TMEM108: variants seen among roughly 807,000 people sequenced by gnomAD.
TMEM108 encodes cancer/testis antigen 124.
Under a neutral mutation model 35.1 loss-of-function variants are expected in TMEM108, and 12 were observed. That is an observed-to-expected ratio of 0.34 (90% CI 0.22 to 0.55). The LOEUF is 0.55. Ranked by LOEUF, TMEM108 falls within the 20% of genes least tolerant of loss-of-function variation. TMEM108 has a pLI of 0.89. For synonymous variants in TMEM108, 287 were observed against 308.6 expected, an observed-to-expected ratio of 0.93 and a Z score of 0.73; for missense variants, 680 against 753.3, an observed-to-expected ratio of 0.90 and a Z score of 1.14.
chr3:133,043,636 G>A (rs1377155754), intron 1 of TMEM108, among the ~76,000 whole-genome samples: 2 of 152,030 alleles, frequency 1.3e-5, no homozygotes, highest in Non-Finnish European at 2.9e-5. Context: ...AATCTGACTT[G>A]ATTTCCAGAT....
At chr3:133,108,557 C>T (rs1373812969) in intron 2 of TMEM108, among the ~76,000 whole-genome samples, 1 of 151,766 alleles carries the variant, frequency 6.6e-6, no homozygotes, top group African/African-American at 2.4e-5. Flanking sequence ...AATTTTCTCC[C>T]ATTTTGTAGG....
At chr3:133,127,749 T>G (rs2107740475) in intron 2 of TMEM108, among the ~76,000 whole-genome samples, 1 of 152,370 alleles carries the variant, frequency 6.6e-6, no homozygotes, top group South Asian at 2.1e-4. Context: ...TTTCCACATT[T>G]GGCCTTAATT....
chr3:133,353,000 C>T (rs2072052202), intron 3 of TMEM108, among the ~76,000 whole-genome samples: 1 of 152,132 alleles, frequency 6.6e-6, no homozygotes, highest in Non-Finnish European at 1.5e-5. Context: ...TCCAGGAGCC[C>T]CCAGCCACCA....
chr3:133,040,190 T>G (rs199536664), intron 1 of TMEM108, among the ~76,000 whole-genome samples: 12 of 144,718 alleles, frequency 8.3e-5, no homozygotes, highest in African/African-American at 2.9e-4. Context: ...TCACAGTTTT[T>G]TTTGTTTGTT....
At chr3:133,071,283 G>T (rs1943672663) in intron 2 of TMEM108, among the ~76,000 whole-genome samples, 1 of 152,088 alleles carries the variant, frequency 6.6e-6, no homozygotes, top group South Asian at 2.1e-4. Flanking sequence ...TGTCAGCAGG[G>T]TTGGTTTCTT....
chr3:133,226,336 C>A (rs140293646), intron 2 of TMEM108, among the ~76,000 whole-genome samples: 1 of 152,300 alleles, frequency 6.6e-6, no homozygotes, highest in African/African-American at 2.4e-5. Context: ...CAAGGGAATT[C>A]TCTGCAGTAT....
chr3:133,061,271 G>A (rs1166543505), intron 2 of TMEM108, among the ~76,000 whole-genome samples: 1 of 148,992 alleles, frequency 6.7e-6, no homozygotes, highest in Non-Finnish European at 1.5e-5. Flanking sequence ...GAGTGCAGTG[G>A]CACGATCTCT....
chr3:133,100,608 A>G (rs1227462361), intron 2 of TMEM108, among the ~76,000 whole-genome samples: 5 of 152,144 alleles, frequency 3.3e-5, no homozygotes, highest in Admixed American at 3.3e-4. Context: ...CTGTCTCATA[A>G]ATAAAATAAA....
chr3:133,395,208 C>T (rs570163169), intron 5 of TMEM108, among the ~76,000 whole-genome samples: 10 of 152,350 alleles, frequency 6.6e-5, no homozygotes, highest in Admixed American at 6.5e-4. Context: ...TCATCTGTCA[C>T]TTATTATGCA....
intron 2 of TMEM108, among the ~76,000 whole-genome samples, chr3:133,116,656 A>C (rs1944291232): frequency 1.3e-5 from 2 of 152,188 alleles, no homozygotes; most frequent in Non-Finnish European, 2.9e-5. Flanking sequence ...TTATAAATTG[A>C]CTTGGGTTCA....
At chr3:133,122,451 AC>A (rs1436659042) in intron 2 of TMEM108, among the ~76,000 whole-genome samples, 1 of 152,230 alleles carries the variant, frequency 6.6e-6, no homozygotes, top group African/African-American at 2.4e-5. Flanking sequence ...ACGCAGGGAT[AC>A]CTGAATGGTA....
rs77666224 is a variant in TMEM108, at chr3:133,258,485, G to A, written c.40+29134G>A. Among the ~76,000 whole-genome samples the A allele has an allele frequency of 2.2e-3, 342 of 152,278 alleles. 2 individuals are homozygous for A. Among genetic ancestry groups the A allele is most frequent in the African/African-American group, 7.7e-3 (321 of 41,560 alleles). On this transcript the variant is annotated intron_variant, in intron 3 of 5. Coordinates refer to ENST00000321871, the MANE Select transcript of TMEM108 (RefSeq NM_023943.4). ...CGCTTTTGATAAAGTTGGATGGAGG[G>A]GGGTGATGGAAGTCCAAAGGAATTC...
intron 3 of TMEM108, among the ~76,000 whole-genome samples, chr3:133,357,797 C>T (rs937121777): frequency 6.6e-5 from 10 of 151,818 alleles, no homozygotes; most frequent in Non-Finnish European, 8.8e-5. Flanking sequence ...CGTTGGGAGG[C>T]GGGTGAGGGA....
At chr3:133,340,450 C>T (rs564152513) in intron 3 of TMEM108, among the ~76,000 whole-genome samples, 3 of 151,492 alleles carry the variant, frequency 2.0e-5, no homozygotes, top group Admixed American at 2.0e-4. Flanking sequence ...TAACAGTTCT[C>T]CTAGCAAAGA....
chr3:133,153,100 A>G (rs1576348011), intron 2 of TMEM108, among the ~76,000 whole-genome samples: 1 of 152,236 alleles, frequency 6.6e-6, no homozygotes, highest in Middle Eastern at 3.4e-3. Flanking sequence ...GTGCAGAATC[A>G]AGTAGACCAT....
chr3:133,047,299 G>GTATTTTAAAAGTATATCCTGTATATCCTC (rs1943352286), intron 2 of TMEM108, among the ~76,000 whole-genome samples: 5 of 152,102 alleles, frequency 3.3e-5, no homozygotes, highest in Admixed American at 6.5e-5. Context: ...TGTATATCCT[G>GTATTTTAAAAGTATATCCTGTATATCCTC]TATTTTAAAA....
chr3:133,078,158 T>TGTGTGTGTGTGTGTGTGTGTGTGTGC (rs770304551), intron 2 of TMEM108, among the ~76,000 whole-genome samples: 71 of 116,854 alleles, frequency 6.1e-4, no homozygotes, highest in African/African-American at 2.2e-3. Context: ...TGTGTGTGTG[T>TGTGTGTGTGTGTGTGTGTGTGTGTGC]GCACGCGCGC....
At chr3:133,199,970 G>A (rs555202109) in intron 2 of TMEM108, among the ~76,000 whole-genome samples, 1 of 152,236 alleles carries the variant, frequency 6.6e-6, no homozygotes, top group Non-Finnish European at 1.5e-5. Context: ...GCAATGGCAG[G>A]CACCCCTACC....
chr3:133,296,657 C>G lies in TMEM108; in HGVS notation c.40+67306C>G, dbSNP rs113098112. ...TGGACAGGCTGGAAAAGGAACATCC[C>G]TAATCCAAAGCAACCCGTGTGTCAG... On this transcript the variant is annotated intron_variant, in intron 3 of 5. Transcript: ENST00000321871. Among the ~76,000 whole-genome samples, 638 of 152,182 alleles carry G rather than the reference C, an allele frequency of 4.2e-3. 5 individuals carry two copies. Among genetic ancestry groups the G allele is most frequent in the Non-Finnish European group, 6.4e-3 (435 of 68,008 alleles).
Sources: allele counts gnomAD v4.1 joint callset (sites outside exome capture counted in the v4.1 genomes callset), GRCh38; gene constraint gnomAD v4.1.1; transcripts MANE v1.5; gene names NCBI Gene and HGNC (gene_info 2026-07-23, HGNC 2026-07-21).